Variants in CDH18 observed in about 807,000 individuals in gnomAD.
The protein encoded by CDH18 is cadherin-18.
A neutral mutation model predicts 67.9 loss-of-function variants in CDH18; 31 were observed. That is an observed-to-expected ratio of 0.46 (90% CI 0.34 to 0.62). The LOEUF (loss-of-function observed/expected upper bound fraction) is 0.62. CDH18 is among the 20% of genes least tolerant of loss of function. The pLI is 0.01. For synonymous variants in CDH18, 362 were observed against 347.2 expected (o/e 1.04, Z -0.48); for missense variants, 890 against 975.5 (o/e 0.91, Z 1.17).
chr5:19,904,211 T>C (rs1790268638), intron 2 of CDH18, among the ~76,000 whole-genome samples: 1 of 150,876 alleles, frequency 6.6e-6, no homozygotes, highest in African/African-American at 2.4e-5. Context: ...GAGGCGGAGA[T>C]TGCAGTGAGC....
intron 1 of CDH18, among the ~76,000 whole-genome samples, chr5:20,521,576 A>G (rs1338105688): frequency 6.6e-6 from 1 of 152,144 alleles, no homozygotes; most frequent in Non-Finnish European, 1.5e-5. Context: ...AAAATTTAAA[A>G]TATTTTCTTT....
chr5:19,949,410 T>TA (rs1031033597), intron 2 of CDH18, among the ~76,000 whole-genome samples: 2 of 152,132 alleles, frequency 1.3e-5, no homozygotes, highest in African/African-American at 4.8e-5. Flanking sequence ...TCTCCTATTT[T>TA]AAAAAGCTTA....
chr5:20,551,957 G>C (rs1757656416), intron 1 of CDH18, among the ~76,000 whole-genome samples: 1 of 151,812 alleles, frequency 6.6e-6, no homozygotes, highest in African/African-American at 2.4e-5. Context: ...TATTTGAGAT[G>C]ATCAATAATT....
chr5:19,543,192 A>C (rs1750551241), intron 9 of CDH18, among the ~76,000 whole-genome samples: 1 of 152,144 alleles, frequency 6.6e-6, no homozygotes, highest in Admixed American at 6.6e-5. Context: ...TCATTTTCTT[A>C]GAGTTATATT....
chr5:20,560,147 C>T (rs62354290), intron 1 of CDH18, among the ~76,000 whole-genome samples: 2,595 of 152,196 alleles, frequency 0.017, 35 homozygotes, highest in African/African-American at 0.029. Context: ...TGCCATCAGG[C>T]TCCCGTGCTG....
chr5:20,339,805 T>C (rs1469583508), intron 1 of CDH18, among the ~76,000 whole-genome samples: 1 of 152,176 alleles, frequency 6.6e-6, no homozygotes, highest in Non-Finnish European at 1.5e-5. Context: ...TTCCAGAACT[T>C]AACCAAAGTA....
rs1057380758 is a variant in CDH18 at position 19,520,648 on chromosome 5, T to C, written c.1512+9A>G. On this transcript the variant is annotated intron_variant, in intron 10 of 12. Transcript: ENST00000382275. ...ATTCAAATGAGGAGGAAGGAAACAATTAACTTACCTGGCCAGGCTTAGAAT... is the reference window on the plus strand; with the variant it reads ...ATTCAAATGAGGAGGAAGGAAACAACTAACTTACCTGGCCAGGCTTAGAAT... 4.4e-6 allele frequency: 7 copies of C among 1,604,656 alleles called. No individual in the cohort carries two copies. The African/African-American group carries it at 9.4e-5, about 22-fold the overall frequency.
chr5:19,534,032 G>A (rs144061582), intron 9 of CDH18, among the ~76,000 whole-genome samples: 28 of 152,194 alleles, frequency 1.8e-4, no homozygotes, highest in African/African-American at 6.7e-4. Flanking sequence ...CTAACACTGG[G>A]ATATTGCAAT....
intron 2 of CDH18, among the ~76,000 whole-genome samples, chr5:19,947,873 A>T (rs1795428663): frequency 6.6e-6 from 1 of 152,160 alleles, no homozygotes; most frequent in African/African-American, 2.4e-5. Context: ...TTTGCAGACC[A>T]CACATCAAAC....
At chr5:20,499,166 T>C (rs1222331277) in intron 1 of CDH18, among the ~76,000 whole-genome samples, 1 of 151,920 alleles carries the variant, frequency 6.6e-6, no homozygotes, top group African/African-American at 2.4e-5. Context: ...CTATAAGGGA[T>C]TGGTTCCAGG....
intron 2 of CDH18, among the ~76,000 whole-genome samples, chr5:19,932,214 C>T (rs58915592): frequency 0.026 from 4,018 of 151,770 alleles, 202 homozygotes; most frequent in East Asian, 0.21. Flanking sequence ...AAACAATAAA[C>T]ACACAAGCCC....
chr5:20,356,897 A>G (rs1741673689), intron 1 of CDH18, among the ~76,000 whole-genome samples: 1 of 150,220 alleles, frequency 6.7e-6, no homozygotes, highest in South Asian at 2.1e-4. Flanking sequence ...ATATACATGC[A>G]TGTATATATA....
At chr5:20,542,665 T>C (rs1409783396) in intron 1 of CDH18, among the ~76,000 whole-genome samples, 1 of 151,996 alleles carries the variant, frequency 6.6e-6, no homozygotes, top group African/African-American at 2.4e-5. Context: ...AACTTTATTA[T>C]TTTCCATACG....
At chr5:19,696,722 T>G (rs999191701) in intron 5 of CDH18, among the ~76,000 whole-genome samples, 2 of 152,102 alleles carry the variant, frequency 1.3e-5, no homozygotes, top group African/African-American at 2.4e-5. Context: ...AATCCTGTTT[T>G]GAATATGATT....
chr5:19,853,233 G>A (rs910669398), intron 2 of CDH18, among the ~76,000 whole-genome samples: 1 of 152,110 alleles, frequency 6.6e-6, no homozygotes, highest in African/African-American at 2.4e-5. Flanking sequence ...ATGGCCACTT[G>A]TTCCCTATGC....
chr5:19,984,614 C>T (rs1799383931), intron 1 of CDH18, among the ~76,000 whole-genome samples: 1 of 152,168 alleles, frequency 6.6e-6, no homozygotes, highest in Non-Finnish European at 1.5e-5. Context: ...ATCAAAGACA[C>T]TGAATCTATG....
At chr5:20,234,595 C>T (rs371877938) in intron 2 of CDH18, among the ~76,000 whole-genome samples, 33 of 152,098 alleles carry the variant, frequency 2.2e-4, no homozygotes, top group Non-Finnish European at 3.1e-4. Flanking sequence ...GCCTTGTTCT[C>T]GGACTTTCCA....
chr5:19,497,190 C>T (rs1224167377), intron 11 of CDH18, among the ~76,000 whole-genome samples: 3 of 151,438 alleles, frequency 2.0e-5, no homozygotes. Context: ...TTAGAAAAGG[C>T]TGACAATGAT....
At chr5:20,332,777 TTGTGCCAGTTCAGGGTTACG>T (rs1428928950) in intron 1 of CDH18, among the ~76,000 whole-genome samples, 1 of 152,164 alleles carries the variant, frequency 6.6e-6, no homozygotes, top group Non-Finnish European at 1.5e-5. Flanking sequence ...ATTTACCCAA[TTGTGCCAGTTCAGGGTTACG>T]GGTGGCTGAA....
Sources: allele counts gnomAD v4.1 joint callset (sites outside exome capture counted in the v4.1 genomes callset), GRCh38; gene constraint gnomAD v4.1.1; transcripts MANE v1.5; gene names NCBI Gene and HGNC (gene_info 2026-07-23, HGNC 2026-07-21).